KIF15: variants seen among roughly 807,000 people sequenced by gnomAD.
The protein encoded by KIF15 is kinesin-like protein KIF15.
In KIF15, 140 loss-of-function variants were observed where a neutral mutation model predicts 190.6. That is an observed-to-expected ratio of 0.73 (90% CI 0.64 to 0.84). The LOEUF is 0.84. Ranked by LOEUF, KIF15 falls within the 40% of genes least tolerant of loss-of-function variation. KIF15 has a pLI of 0.00. For missense variants in KIF15, 1,372 were observed against 1,584.4 expected (o/e 0.87, Z 2.28); for synonymous variants, 528 against 551.3 (o/e 0.96, Z 0.59).
At chr3:44,772,165 C>A (rs1213441874) in intron 1 of KIF15, among the ~76,000 whole-genome samples, 1 of 152,184 alleles carries the variant, frequency 6.6e-6, no homozygotes, top group East Asian at 1.9e-4. Flanking sequence ...GTAAGATTTT[C>A]TGTTCACCAA....
At chr3:44,784,723 T>G (rs1468142252) in intron 5 of KIF15, 122 bp from the exon 6 acceptor site, 1 of 627,542 alleles carries the variant, frequency 1.6e-6, no homozygotes, top group Non-Finnish European at 2.8e-6. Context: ...AGATTTAACT[T>G]GCTTGGAGCA....
At chr3:44,800,568 C>A in intron 11 of KIF15, 131 bp downstream of exon 11, 1 of 840,084 alleles carries the variant, frequency 1.2e-6, no homozygotes, top group Non-Finnish European at 1.9e-6. Context: ...GCTTATTTCT[C>A]CTATATAGGA....
At chr3:44,863,333 G>GGGACAAC (rs1335159252) in intron 6 of KIF15, 2 of 115,524 alleles carry the variant, frequency 1.7e-5, no homozygotes, top group African/African-American at 6.0e-5. Context: ...CTCCAGGCAG[G>GGGACAAC]TTTCTAACTC....
At chr3:44,849,835 T>TACAC (rs1320389194) in intron 32 of KIF15, among the ~76,000 whole-genome samples, 15 of 152,190 alleles carry the variant, frequency 9.9e-5, no homozygotes, top group African/African-American at 3.4e-4. Flanking sequence ...TTACAATTAT[T>TACAC]AATCAGTGTG....
At chr3:44,852,478 T>G in intron 34 of KIF15, 139 bp downstream of exon 34, 2 of 857,934 alleles carry the variant, frequency 2.3e-6, no homozygotes, top group Non-Finnish European at 3.5e-6. Flanking sequence ...AAAAAAAAAG[T>G]TGGTCGTTGC....
At chr3:44,860,919 A>G (rs748308834) in intron 6 of KIF15, among the ~76,000 whole-genome samples, 1 of 152,218 alleles carries the variant, frequency 6.6e-6, no homozygotes, top group Non-Finnish European at 1.5e-5. Context: ...TTTCCTGGAG[A>G]GTGGAAATAG....
At position 44,814,188 on chromosome 3, in the gene KIF15, C is replaced by T. The variant is rs371447923; in HGVS notation, c.2384-723C>T. The stretch of plus-strand genomic sequence containing the variant: ...TGCAGTTGTAGTTGTCTTAGAAGAC[C>T]TGAAGTAGTTAACCCATGTTGGAAA... On this transcript the variant is annotated intron_variant, in intron 19 of 34. Coordinates refer to ENST00000326047, the MANE Select transcript of KIF15 (RefSeq NM_020242.3). 3.5e-4 allele frequency among the ~76,000 whole-genome samples: 54 copies of T among 152,236 alleles called. No individual in the cohort carries two copies. The East Asian group carries it at 9.7e-3, about 27-fold the overall frequency.
intron 12 of KIF15, 24 bp from the exon 13 acceptor site, chr3:44,801,741 A>T: frequency 7.1e-7 from 1 of 1,412,110 alleles, no homozygotes; most frequent in Non-Finnish European, 9.8e-7. Flanking sequence ...TTTCATGTTT[A>T]ACCAAATTAT....
chr3:44,819,692 G>A (rs1398383157), intron 20 of KIF15, among the ~76,000 whole-genome samples: 7 of 152,142 alleles, frequency 4.6e-5, no homozygotes, highest in African/African-American at 1.7e-4. Context: ...GAATAAGTGC[G>A]ATGTGGTGCT....
At chr3:44,784,079 A>T (rs993650299) in intron 5 of KIF15, among the ~76,000 whole-genome samples, 10 of 152,238 alleles carry the variant, frequency 6.6e-5, no homozygotes, top group African/African-American at 1.9e-4. Context: ...GCCTAATTTT[A>T]AAAAAATCAA....
intron 16 of KIF15, among the ~76,000 whole-genome samples, chr3:44,808,081 G>A (rs1707599435): frequency 6.6e-6 from 1 of 152,128 alleles, no homozygotes; most frequent in African/African-American, 2.4e-5. Flanking sequence ...TAGGATTACA[G>A]GTGTGAGCCA....
intron 28 of KIF15, among the ~76,000 whole-genome samples, 199 bp downstream of exon 28, chr3:44,840,655 ATTTTTTTTTTTTTT>A (rs60621752): frequency 2.7e-4 from 18 of 67,078 alleles, no homozygotes; most frequent in East Asian, 1.3e-3. Context: ...TAAGCAGCGG[ATTTTTTTTTTTTTT>A]TTTTTTTTTT....
At chr3:44,821,165 G>A (rs1415227464) in intron 20 of KIF15, among the ~76,000 whole-genome samples, 2 of 148,810 alleles carry the variant, frequency 1.3e-5, no homozygotes, top group African/African-American at 2.5e-5. Context: ...GGGGCAGCTG[G>A]CCGGGCAGAG....
intron 1 of KIF15, among the ~76,000 whole-genome samples, chr3:44,768,943 G>A (rs1705528758): frequency 1.3e-5 from 2 of 152,114 alleles, no homozygotes; most frequent in Admixed American, 6.5e-5. Flanking sequence ...AGTCATGCTC[G>A]AAAATCCCGA....
intron 1 of KIF15, among the ~76,000 whole-genome samples, chr3:44,772,316 C>T (rs1705677550): frequency 6.6e-6 from 1 of 152,168 alleles, no homozygotes. Context: ...CCTCTAATTC[C>T]TGGGGCTCCA....
chr3:44,800,281 T>C (rs761386431), intron 10 of KIF15, 33 bp from the exon 11 acceptor site: 173 of 1,607,246 alleles, frequency 1.1e-4, no homozygotes, highest in Non-Finnish European at 1.5e-4. Context: ...CAAAAAGCAT[T>C]ATTTTAATGC....
At position 44,840,420 on chromosome 3, in the gene KIF15, A is replaced by C. The variant is rs772350460; in HGVS notation, c.3384A>C (p.Leu1128=). Residue 1128 remains leucine (L), a synonymous_variant, in exon 28 of 35, where the codon CTA becomes CTC. Transcript: ENST00000326047. The part of the protein sequence containing the change: ...KNEYNFKMRQ[L]EHVMDSAAED... Reference sequence around the variant, plus strand: ...AATATAACTTCAAAATGAGGCAACTAGAACATGTGATGGATTCTGCTGCTG... The same window carrying C: ...AATATAACTTCAAAATGAGGCAACTCGAACATGTGATGGATTCTGCTGCTG... 6.2e-7 allele frequency: 1 copy of C among 1,609,992 alleles called. No individual in the cohort carries two copies. Among genetic ancestry groups the C allele is most frequent in the South Asian group, 1.1e-5 (1 of 90,186 alleles).
chr3:44,802,882 A>C lies in KIF15; in HGVS notation c.1578A>C (p.Arg526Ser). 1 of 1,612,284 alleles carries C rather than the reference A, an allele frequency of 6.2e-7. No homozygotes were observed. The highest frequency in any genetic ancestry group is 8.5e-7 in the Non-Finnish European group (1 of 1,179,594). Residue 526 changes from arginine (R) to serine (S), a missense_variant, in exon 14 of 35, where the codon AGA becomes AGC. Arg to Ser is a moderately radical substitution (Grantham distance 110, BLOSUM62 -1). Coordinates refer to ENST00000326047, the MANE Select transcript of KIF15 (RefSeq NM_020242.3). ...ATTCCCTCAGGGAGGAGAATAGAAG[A>C]CTGAGATTATTAGAGCCTGTGAAAA... ...ENHSLREENRRLRLLEPVKRA... is the reference protein window; with the variant it reads ...ENHSLREENRSLRLLEPVKRA...
rs773102469 is a variant in KIF15 at position 44,794,412 on chromosome 3, G to A, written c.835G>A (p.Gly279Arg). ...SERQKDTHAE[G>R]MRLKEAGNIN... ...AAGGCAAAAAGATACCCATGCAGAAGGGATGAGATTGAAGGTAAGAATGAA... is the reference window on the plus strand; with the variant it reads ...AAGGCAAAAAGATACCCATGCAGAAAGGATGAGATTGAAGGTAAGAATGAA... The change falls in exon 8 of 35, where the codon GGG (glycine) becomes AGG (arginine). Residue 279 changes from glycine (G) to arginine (R), a missense_variant. By Grantham distance (125) the Gly-to-Arg change is moderately radical. Transcript: ENST00000326047. The A allele has an allele frequency of 6.3e-7, 1 of 1,596,752 alleles. No individual in the cohort carries two copies. The highest frequency in any genetic ancestry group is 8.5e-7 in the Non-Finnish European group (1 of 1,171,046).
Sources: allele counts gnomAD v4.1 joint callset (sites outside exome capture counted in the v4.1 genomes callset), GRCh38; gene constraint gnomAD v4.1.1; transcripts MANE v1.5; gene names NCBI Gene and HGNC (gene_info 2026-07-23, HGNC 2026-07-21).